LMBRD1: variants seen among roughly 807,000 people sequenced by gnomAD.
LMBRD1 encodes lysosomal cobalamin transport escort protein LMBD1.
LMBRD1 carries 64 observed loss-of-function variants against 74.8 expected under a neutral mutation model. The ratio of observed to expected loss-of-function variants is 0.86; its 90% confidence interval spans 0.70 to 1.05. The LOEUF (loss-of-function observed/expected upper bound fraction) is 1.05, where lower values mean the gene tolerates loss of function less well. Among genes scored for constraint, LMBRD1 ranks in the 50% least tolerant of loss-of-function variants. The probability of loss-of-function intolerance (pLI) is 0.00; values close to 1 mark genes in which losing one functional copy is unlikely to be tolerated. For synonymous variants in LMBRD1, 204 were observed against 216.3 expected (o/e 0.94, Z 0.50); for missense variants, 652 against 645.9 (o/e 1.01, Z -0.10).
chr6:69,755,453 G>T (rs985910844), intron 3 of LMBRD1, among the ~76,000 whole-genome samples: 1 of 151,976 alleles, frequency 6.6e-6, no homozygotes, highest in African/African-American at 2.4e-5. Flanking sequence ...AAGGCCGGGG[G>T]AGAGCATTAG....
chr6:69,796,702 G>C (rs1766240883), intron 1 of LMBRD1, 111 bp downstream of exon 1: 1 of 951,300 alleles, frequency 1.1e-6, no homozygotes, highest in Non-Finnish European at 1.6e-6. Context: ...CAAGCTAAAA[G>C]CGGGGCGGGG....
chr6:69,793,715 AATCTTTTT>A (rs1766142066), intron 1 of LMBRD1, among the ~76,000 whole-genome samples: 1 of 130,678 alleles, frequency 7.7e-6, no homozygotes, highest in African/African-American at 3.4e-5. Context: ...TCATGTCCTG[AATCTTTTT>A]TTTTTTTTTT....
At chr6:69,771,733 T>A (rs1765581279) in intron 3 of LMBRD1, among the ~76,000 whole-genome samples, 1 of 152,154 alleles carries the variant, frequency 6.6e-6, no homozygotes, top group Non-Finnish European at 1.5e-5. Flanking sequence ...ACTTCAGGGT[T>A]TTGAGCAGAT....
intron 2 of LMBRD1, among the ~76,000 whole-genome samples, chr6:69,789,601 A>G (rs1294080772): frequency 6.6e-6 from 1 of 151,928 alleles, no homozygotes; most frequent in Non-Finnish European, 1.5e-5. Flanking sequence ...AGCCCAATTC[A>G]GGAAGTTATT....
At chr6:69,693,199 A>G (rs183030212) in intron 14 of LMBRD1, among the ~76,000 whole-genome samples, 106 of 152,222 alleles carry the variant, frequency 7.0e-4, no homozygotes, top group African/African-American at 2.5e-3. Flanking sequence ...TGTCGTTTTA[A>G]GAGAACTTCA....
intron 14 of LMBRD1, among the ~76,000 whole-genome samples, chr6:69,688,661 T>C (rs1765816830): frequency 6.6e-6 from 1 of 152,034 alleles, no homozygotes; most frequent in Non-Finnish European, 1.5e-5. Flanking sequence ...ACTTGGCAGA[T>C]GTATGTCATC....
At chr6:69,711,146 C>CA (rs1029865653) in intron 9 of LMBRD1, among the ~76,000 whole-genome samples, 5 of 151,778 alleles carry the variant, frequency 3.3e-5, no homozygotes, top group Non-Finnish European at 1.5e-5. Context: ...AACCACTGGG[C>CA]AAAAAAATAG....
intron 7 of LMBRD1, among the ~76,000 whole-genome samples, chr6:69,728,435 T>C (rs370616058): frequency 4.6e-5 from 7 of 152,182 alleles, no homozygotes; most frequent in Non-Finnish European, 1.0e-4. Context: ...GCCATGGCAA[T>C]ATTTTGCTAA....
chr6:69,693,164 CCTGTCAGGA>C (rs1765925140), intron 14 of LMBRD1, among the ~76,000 whole-genome samples: 1 of 152,054 alleles, frequency 6.6e-6, no homozygotes, highest in Non-Finnish European at 1.5e-5. Context: ...CTATGCATTA[CCTGTCAGGA>C]TGAATTAAGT....
chr6:69,705,561 G>A (rs1033222829), intron 9 of LMBRD1: 11 of 1,267,986 alleles, frequency 8.7e-6, no homozygotes, highest in Non-Finnish European at 1.2e-5. Context: ...TGGCTTTTGT[G>A]CATTTTTGGC....
intron 7 of LMBRD1, among the ~76,000 whole-genome samples, chr6:69,729,549 A>G (rs1339733968): frequency 6.6e-6 from 1 of 152,038 alleles, no homozygotes; most frequent in East Asian, 1.9e-4. Context: ...CAAGAAGATA[A>G]TAATTGACCA....
At chr6:69,701,365 G>C in intron 11 of LMBRD1, 78 bp downstream of exon 11, 2 of 801,820 alleles carry the variant, frequency 2.5e-6, no homozygotes. Context: ...ATGTGCAACA[G>C]GATGTCAGAA....
At chr6:69,707,878 A>T (rs918637015) in intron 9 of LMBRD1, among the ~76,000 whole-genome samples, 59 of 152,302 alleles carry the variant, frequency 3.9e-4, no homozygotes, top group Middle Eastern at 6.8e-3. Context: ...AAGATCAGAA[A>T]ATGAATAGTG....
chr6:69,795,894 T>C (rs915426755), intron 1 of LMBRD1, among the ~76,000 whole-genome samples: 4 of 152,236 alleles, frequency 2.6e-5, no homozygotes, highest in African/African-American at 9.6e-5. Context: ...CAAGCCTGAT[T>C]TCCAGAACTG....
intron 14 of LMBRD1, among the ~76,000 whole-genome samples, chr6:69,679,052 A>C (rs1187700050): frequency 1.5e-5 from 2 of 136,052 alleles, no homozygotes; most frequent in African/African-American, 2.5e-5. Context: ...ACAAAAAAAA[A>C]AAAACAAAAA....
chr6:69,752,942 A>G (rs1472982523), intron 3 of LMBRD1, among the ~76,000 whole-genome samples: 1 of 152,202 alleles, frequency 6.6e-6, no homozygotes, highest in African/African-American at 2.4e-5. Context: ...TTACCCATCA[A>G]TGGACCACAG....
At chr6:69,716,752 G>C (rs1341440945) in intron 8 of LMBRD1, among the ~76,000 whole-genome samples, 1 of 151,554 alleles carries the variant, frequency 6.6e-6, no homozygotes, top group Admixed American at 6.6e-5. Context: ...TTAAATTTTT[G>C]TTGAGGGCCA....
intron 3 of LMBRD1, among the ~76,000 whole-genome samples, chr6:69,769,756 A>ATTTTTTT (rs1765541768): frequency 7.2e-6 from 1 of 139,596 alleles, no homozygotes. Context: ...TTTTTTTTTA[A>ATTTTTTT]TTTTTATCCC....
intron 9 of LMBRD1, among the ~76,000 whole-genome samples, chr6:69,709,649 T>C (rs1020015873): frequency 1.3e-5 from 2 of 152,190 alleles, no homozygotes. Flanking sequence ...TATGATCATG[T>C]ATAAAAGAAA....
Sources: gnomAD v4.1 joint callset for allele counts (sites outside exome capture counted in the v4.1 genomes callset) on GRCh38, gnomAD v4.1.1 for gene constraint, MANE v1.5 for transcripts, NCBI Gene and HGNC (gene_info 2026-07-23, HGNC 2026-07-21) for gene names.